The following AGBL1 variants were observed in gnomAD, a reference collection of about 807,000 sequenced individuals.
AGBL1 encodes the protein AGBL carboxypeptidase 1, also known as cytosolic carboxypeptidase 4.
A neutral mutation model predicts 118.9 loss-of-function variants in AGBL1; 130 were observed. That is an observed-to-expected ratio of 1.09 (90% CI 0.95 to 1.26). The LOEUF is 1.26. Ranked by LOEUF, AGBL1 falls within the 50% of genes most tolerant of loss-of-function variation. The pLI is 0.00. For missense variants in AGBL1, 1,584 were observed against 1,298.1 expected, an observed-to-expected ratio of 1.22 and a Z score of -3.38; for synonymous variants, 555 against 478.9, an observed-to-expected ratio of 1.16 and a Z score of -2.08.
intron 5 of AGBL1, among the ~76,000 whole-genome samples, chr15:86,190,548 A>G (rs1385234669): frequency 6.6e-6 from 1 of 152,076 alleles, no homozygotes; most frequent in African/African-American, 2.4e-5. Flanking sequence ...AATGTTGGCA[A>G]TTCTCCCTAG....
Position 86,264,422 on chromosome 15 carries a change from C to A in AGBL1, c.1251C>A (p.Cys417Ter). Residue 417 changes from cysteine (C) to a stop codon, truncating the protein, a stop_gained, in exon 11 of 23, where the codon TGC becomes TGA. Transcript: ENST00000614907. LOFTEE classifies it high-confidence loss of function. ...ATGCTGTCCAGACTTCCCTTCTGTG[C>A]AGGGTGAAGACGGGAAGGTCCACTG... Reference protein sequence around the residue: ...REYAVQTSLLCRVKTGRSTVH... With the variant: ...REYAVQTSLL 5 of 1,613,982 alleles carry A rather than the reference C, an allele frequency of 3.1e-6. No individual in the cohort carries two copies. The highest frequency in any genetic ancestry group is 4.2e-6 in the Non-Finnish European group (5 of 1,179,890).
chr15:86,534,659 A>G (rs1322255618), intron 19 of AGBL1, among the ~76,000 whole-genome samples: 1 of 152,214 alleles, frequency 6.6e-6, no homozygotes, highest in African/African-American at 2.4e-5. Flanking sequence ...AAAGTTTGGT[A>G]TATTTATGCA....
At chr15:86,490,232 C>G (rs909442080) in intron 18 of AGBL1, among the ~76,000 whole-genome samples, 4 of 152,054 alleles carry the variant, frequency 2.6e-5, no homozygotes, top group Admixed American at 2.0e-4. Context: ...GTATGGGTCC[C>G]TCCCCTTGCT....
intron 24 of AGBL1, among the ~76,000 whole-genome samples, chr15:87,026,523 A>G (rs1344010662): frequency 6.6e-6 from 1 of 152,094 alleles, no homozygotes; most frequent in Non-Finnish European, 1.5e-5. Context: ...TGTGGTGAAC[A>G]GGGAACACTT....
At chr15:86,968,519 T>A (rs1251354931) in intron 23 of AGBL1, among the ~76,000 whole-genome samples, 3 of 151,920 alleles carry the variant, frequency 2.0e-5, no homozygotes, top group Non-Finnish European at 4.4e-5. Context: ...TTTCAAAGTT[T>A]TCTATCAAAT....
intron 22 of AGBL1, among the ~76,000 whole-genome samples, chr15:86,858,463 G>GGTGTGTGT (rs3059715): frequency 0.075 from 10,983 of 147,080 alleles, 434 homozygotes; most frequent in Middle Eastern, 0.11. Context: ...CCTTTCAGGT[G>GGTGTGTGT]GTGTGTGTGT....
In AGBL1 at chr15:86,258,012, C is replaced by T. The variant is rs757625817; in HGVS notation, c.950C>T (p.Thr317Ile). The T allele has an allele frequency of 6.2e-7, 1 of 1,613,720 alleles. No individual in the cohort carries two copies. The highest frequency in any genetic ancestry group is 8.5e-7 in the Non-Finnish European group (1 of 1,179,796). Residue 317 changes from threonine to isoleucine, a missense_variant, in exon 9 of 23, where the codon ACT (threonine) becomes ATT (isoleucine). Transcript: ENST00000614907. ...GATGAAGTGGACAAAGACTCTGATACTGAAGATGGGAAAGTGGAAGTAGGT... is the reference window on the plus strand; with the variant it reads ...GATGAAGTGGACAAAGACTCTGATATTGAAGATGGGAAAGTGGAAGTAGGT... ...GDDEVDKDSD[T>I]EDGKVEDDDL...
intron 16 of AGBL1, among the ~76,000 whole-genome samples, chr15:86,291,756 T>C (rs560592560): frequency 6.6e-6 from 1 of 152,158 alleles, no homozygotes; most frequent in Admixed American, 6.5e-5. Context: ...GTGTAGGTTG[T>C]GTGTGTGTGC....
intron 22 of AGBL1, among the ~76,000 whole-genome samples, chr15:86,892,916 T>A (rs1258319793): frequency 6.6e-6 from 1 of 152,158 alleles, no homozygotes; most frequent in East Asian, 1.9e-4. Context: ...GCATACTCAG[T>A]GTGTCTGTAA....
chr15:86,143,276 A>G (rs2076987882), intron 2 of AGBL1, among the ~76,000 whole-genome samples: 1 of 152,086 alleles, frequency 6.6e-6, no homozygotes. Flanking sequence ...CAATGATTCC[A>G]GATTAGGCCA....
chr15:86,350,100 G>C (rs2080601748), intron 17 of AGBL1, among the ~76,000 whole-genome samples: 1 of 152,214 alleles, frequency 6.6e-6, no homozygotes, highest in South Asian at 2.1e-4. Flanking sequence ...GTATGAGGCA[G>C]CTATGAGTTT....
intron 6 of AGBL1, among the ~76,000 whole-genome samples, chr15:86,240,914 A>G (rs1204094748): frequency 3.3e-5 from 5 of 152,250 alleles, no homozygotes; most frequent in Admixed American, 1.3e-4. Flanking sequence ...CATATTAAAC[A>G]TGTAACTGCT....
chr15:86,221,918 G>C (rs535989526), intron 5 of AGBL1, among the ~76,000 whole-genome samples: 3 of 152,162 alleles, frequency 2.0e-5, no homozygotes, highest in Non-Finnish European at 4.4e-5. Flanking sequence ...AAAAACTATA[G>C]TTGATACCTA....
intron 18 of AGBL1, among the ~76,000 whole-genome samples, chr15:86,518,202 C>T (rs190927932): frequency 5.3e-5 from 8 of 152,092 alleles, no homozygotes; most frequent in African/African-American, 1.7e-4. Flanking sequence ...TTTCCTCTGT[C>T]TCTGCTTGTG....
chr15:86,145,054 A>T (rs2077014753), intron 3 of AGBL1, among the ~76,000 whole-genome samples: 2 of 151,920 alleles, frequency 1.3e-5, no homozygotes, highest in South Asian at 4.2e-4. Context: ...TAGATGCATC[A>T]CTCTGATCTC....
chr15:86,868,512 G>A (rs1472672416), intron 22 of AGBL1, among the ~76,000 whole-genome samples: 1 of 152,162 alleles, frequency 6.6e-6, no homozygotes, highest in Non-Finnish European at 1.5e-5. Context: ...GTTGCACAAG[G>A]GACACATTCA....
chr15:86,186,045 T>G lies in AGBL1; in HGVS notation c.488+27019T>G, dbSNP rs368913571. On this transcript the variant is annotated intron_variant, in intron 5 of 22. Coordinates refer to ENST00000614907, the MANE Select transcript of AGBL1 (RefSeq NM_001386094.1). ...TGGGATTTCATCACTAGATCTGGTTTATGGGTGTCCAAAACTTGAACAATT... is the reference window on the plus strand; with the variant it reads ...TGGGATTTCATCACTAGATCTGGTTGATGGGTGTCCAAAACTTGAACAATT... Among the ~76,000 whole-genome samples, 5 of 152,314 alleles carry G rather than the reference T, an allele frequency of 3.3e-5. No homozygotes were observed. In the East Asian group the frequency reaches 7.7e-4, roughly 24 times the overall value.
At chr15:86,665,762 TA>T (rs200051239) in intron 21 of AGBL1, among the ~76,000 whole-genome samples, 106 of 151,246 alleles carry the variant, frequency 7.0e-4, no homozygotes, top group East Asian at 3.3e-3. Flanking sequence ...TTAATCAAAA[TA>T]AATTTTTTTT....
At chr15:86,886,206 T>G (rs943042660) in intron 22 of AGBL1, among the ~76,000 whole-genome samples, 3 of 152,178 alleles carry the variant, frequency 2.0e-5, no homozygotes, top group Non-Finnish European at 2.9e-5. Flanking sequence ...GACAGTAAAA[T>G]AGCATACAAA....
Sources: gnomAD v4.1 joint callset for allele counts (sites outside exome capture counted in the v4.1 genomes callset) on GRCh38, gnomAD v4.1.1 for gene constraint, MANE v1.5 for transcripts, NCBI Gene and HGNC (gene_info 2026-07-23, HGNC 2026-07-21) for gene names.